Variants in MPP7 observed in about 807,000 individuals in gnomAD.
MPP7 encodes the protein MAGUK p55 scaffold protein 7.
In MPP7, 60 loss-of-function variants were observed where a neutral mutation model predicts 76.5. That is an observed-to-expected ratio of 0.78 (90% confidence interval 0.64 to 0.97). The LOEUF is 0.97. Among genes scored for constraint, MPP7 ranks in the 50% least tolerant of loss-of-function variants. The pLI is 0.00. For missense variants in MPP7, 641 were observed against 694.0 expected, an observed-to-expected ratio of 0.92 and a Z score of 0.86; for synonymous variants, 237 against 244.5, an observed-to-expected ratio of 0.97 and a Z score of 0.29.
At chr10:28,147,676 G>A in intron 4 of MPP7, 113 bp from the exon 5 acceptor site, 1 of 874,794 alleles carries the variant, frequency 1.1e-6, no homozygotes, top group Non-Finnish European at 1.9e-6. Flanking sequence ...CAATGTTTAA[G>A]GAGAGGTCAG....
At chr10:28,204,181 G>A (rs1356203861) in intron 2 of MPP7, among the ~76,000 whole-genome samples, 3 of 152,106 alleles carry the variant, frequency 2.0e-5, no homozygotes, top group African/African-American at 4.8e-5. Context: ...AATGGCTCAC[G>A]CCCATAATCC....
intron 1 of MPP7, among the ~76,000 whole-genome samples, chr10:28,277,096 A>G (rs528529427): frequency 6.6e-6 from 1 of 152,096 alleles, no homozygotes; most frequent in African/African-American, 2.4e-5. Flanking sequence ...CAGGAGGCTG[A>G]GGATAGCTTG....
intron 3 of MPP7, among the ~76,000 whole-genome samples, chr10:28,175,039 C>T (rs1836810325): frequency 6.6e-6 from 1 of 152,120 alleles, no homozygotes; most frequent in South Asian, 2.1e-4. Context: ...CATGCCATCC[C>T]AGCACTTTGG....
Position 28,132,974 on chromosome 10 carries a change from A to C in MPP7, c.316-1283T>G, listed in dbSNP as rs72803626. Among the ~76,000 whole-genome samples the C allele has an allele frequency of 6.0e-3, 914 of 151,614 alleles. 3 individuals are homozygous for C. Among genetic ancestry groups the C allele is most frequent in the Admixed American group, 0.011 (169 of 15,190 alleles). ...CACTTAGATCAGAGATTGGTAAACT[A>C]CAACATCTGTTTTTGTAAATCAAGT... On this transcript the variant is annotated intron_variant, in intron 5 of 16. Coordinates refer to ENST00000683449, the MANE Select transcript of MPP7 (RefSeq NM_001318170.2).
chr10:28,281,765 G>A (rs1008238571), intron 1 of MPP7, among the ~76,000 whole-genome samples: 1 of 152,012 alleles, frequency 6.6e-6, no homozygotes, highest in African/African-American at 2.4e-5. Flanking sequence ...GAAAATGGAG[G>A]TTTGGAGAGA....
At chr10:28,253,898 A>G (rs1227193792) in intron 1 of MPP7, among the ~76,000 whole-genome samples, 2 of 147,064 alleles carry the variant, frequency 1.4e-5, no homozygotes, top group Non-Finnish European at 3.0e-5. Flanking sequence ...AGGGAGGCTG[A>G]GGCAGGAGAA....
chr10:28,228,293 T>C (rs1838764228), intron 2 of MPP7, among the ~76,000 whole-genome samples: 1 of 152,178 alleles, frequency 6.6e-6, no homozygotes, highest in Non-Finnish European at 1.5e-5. Context: ...TTAAACTGGA[T>C]TCCTTGAGTG....
intron 13 of MPP7, among the ~76,000 whole-genome samples, chr10:28,069,110 G>A (rs941549976): frequency 6.6e-6 from 1 of 152,088 alleles, no homozygotes; most frequent in Non-Finnish European, 1.5e-5. Flanking sequence ...CATTATTAAC[G>A]AGTACAAAAA....
chr10:28,322,779 A>T (rs1404820049), intron 2 of MPP7, among the ~76,000 whole-genome samples: 1 of 152,186 alleles, frequency 6.6e-6, no homozygotes, highest in East Asian at 1.9e-4. Context: ...CCCACGTGTT[A>T]ATATGATTTT....
intron 3 of MPP7, among the ~76,000 whole-genome samples, chr10:28,197,216 T>C (rs1837614957): frequency 6.9e-6 from 1 of 145,284 alleles, no homozygotes. Flanking sequence ...GGAATCTTGC[T>C]CTGTCGCCCA....
intron 1 of MPP7, among the ~76,000 whole-genome samples, chr10:28,259,692 C>T (rs1240942446): frequency 6.6e-6 from 1 of 150,914 alleles, no homozygotes; most frequent in Non-Finnish European, 1.5e-5. Flanking sequence ...AAAATAAAAG[C>T]ATATGGGCAG....
At chr10:28,198,436 C>G (rs1398577626) in intron 3 of MPP7, among the ~76,000 whole-genome samples, 1 of 151,844 alleles carries the variant, frequency 6.6e-6, no homozygotes, top group East Asian at 1.9e-4. Flanking sequence ...TTAGCCGGGA[C>G]TGGTGACAGA....
intron 11 of MPP7, among the ~76,000 whole-genome samples, chr10:28,100,081 GA>G (rs57835076): frequency 0.03 from 3,255 of 108,260 alleles, 117 homozygotes; most frequent in African/African-American, 0.098. Context: ...TAACTACAAG[GA>G]AAAAAAAAAT....
intron 1 of MPP7, among the ~76,000 whole-genome samples, chr10:28,262,203 A>G (rs1293674595): frequency 4.5e-4 from 7 of 15,602 alleles, no homozygotes; most frequent in Non-Finnish European, 9.1e-4. Context: ...ATATATATAT[A>G]TATACATATA....
chr10:28,089,555 G>T (rs1008175513), intron 12 of MPP7, 116 bp downstream of exon 12: 2 of 855,264 alleles, frequency 2.3e-6, no homozygotes, highest in Non-Finnish European at 1.8e-6. Context: ...CAAGACAAAA[G>T]GTGTTGAAGG....
In MPP7 at chr10:28,124,079, G is replaced by A. The variant is rs780437897; in HGVS notation, c.567C>T (p.Asn189=). Residue 189 remains asparagine (N), a synonymous_variant, in exon 8 of 17, where the codon AAC becomes AAT. Transcript: ENST00000683449. ...GCCTTTTATCCTCCACTGGTATCCC[G>A]TTGACTTCCCTAAGTTCATCACCAA... ...IHVGDELREV[N]GIPVEDKRPE... is the part of the protein sequence containing the mutation. The A allele has an allele frequency of 1.7e-5, 28 of 1,612,132 alleles. No individual in the cohort carries two copies. Among genetic ancestry groups the A allele is most frequent in the South Asian group, 9.9e-5 (9 of 91,062 alleles).
intron 5 of MPP7, among the ~76,000 whole-genome samples, chr10:28,132,639 GC>G (rs1564649085): frequency 1.3e-5 from 2 of 151,742 alleles, no homozygotes; most frequent in African/African-American, 4.8e-5. Context: ...TCGCTCTGTC[GC>G]CCAGGCTGTA....
chr10:28,158,119 T>C (rs1218353090), intron 3 of MPP7, among the ~76,000 whole-genome samples: 1 of 152,172 alleles, frequency 6.6e-6, no homozygotes, highest in East Asian at 1.9e-4. Context: ...CACCCTGGGA[T>C]CACCGTGGAA....
intron 3 of MPP7, among the ~76,000 whole-genome samples, chr10:28,177,864 G>C (rs1386874340): frequency 1.3e-5 from 2 of 152,178 alleles, no homozygotes; most frequent in African/African-American, 4.8e-5. Context: ...GCATGCAGGT[G>C]CTGAAACCCT....
Sources: allele counts gnomAD v4.1 joint callset (sites outside exome capture counted in the v4.1 genomes callset), GRCh38; gene constraint gnomAD v4.1.1; transcripts MANE v1.5; gene names NCBI Gene and HGNC (gene_info 2026-07-23, HGNC 2026-07-21).